The following ZBED6 variants were observed in gnomAD, a reference collection of about 807,000 sequenced individuals.
ZBED6 encodes the protein zinc finger BED domain-containing protein 6.
ZBED6 carries 40 observed loss-of-function variants against 58.4 expected under a neutral mutation model. That is an observed-to-expected ratio of 0.68 (90% CI 0.53 to 0.89). ZBED6 has a LOEUF of 0.89. ZBED6 is among the 40% of genes least tolerant of loss of function. ZBED6 has a pLI of 0.00. For synonymous variants in ZBED6, 439 were observed against 350.6 expected, an observed-to-expected ratio of 1.25 and a Z score of -2.82; for missense variants, 1,057 against 1,003.9, an observed-to-expected ratio of 1.05 and a Z score of -0.71.
chr1:203,803,179 T>G (rs1558092865), intron 1 of ZBED6, among the ~76,000 whole-genome samples, 163 bp downstream of exon 1: 1 of 152,124 alleles, frequency 6.6e-6, no homozygotes, highest in African/African-American at 2.4e-5. Flanking sequence ...GAAACATATT[T>G]TTTTCTTTCT....
chr1:203,847,259 G>T, exon 12 of ZBED6: 1 of 1,613,858 alleles, frequency 6.2e-7, no homozygotes, highest in Non-Finnish European at 8.5e-7. Context: ...AGTCAGAAAC[G>T]TGGAGAATTG....
intron 3 of ZBED6, among the ~76,000 whole-genome samples, chr1:203,819,234 T>A (rs555355543): frequency 6.6e-6 from 1 of 150,654 alleles, no homozygotes; most frequent in South Asian, 2.1e-4. Context: ...TTATTTTTTT[T>A]TTTTTGAAAC....
intron 4 of ZBED6, 75 bp from the exon 5 acceptor site, chr1:203,829,376 T>C (rs760628605): frequency 1.0e-5 from 15 of 1,454,154 alleles, no homozygotes; most frequent in Non-Finnish European, 1.4e-5. Context: ...ATAGTTTTCA[T>C]AGGTGGTCAG....
intron 3 of ZBED6, among the ~76,000 whole-genome samples, chr1:203,820,900 C>G (rs1300219267): frequency 6.6e-6 from 1 of 152,112 alleles, no homozygotes; most frequent in Non-Finnish European, 1.5e-5. Context: ...TAAAGGCTTT[C>G]TTTTTGTAAT....
At chr1:203,845,439 G>A (rs1259026900) in intron 11 of ZBED6, among the ~76,000 whole-genome samples, 1 of 152,190 alleles carries the variant, frequency 6.6e-6, no homozygotes, top group Non-Finnish European at 1.5e-5. Context: ...AATATTACAG[G>A]TACCTAAATA....
intron 9 of ZBED6, 93 bp from the exon 10 acceptor site, chr1:203,837,873 C>A: frequency 1.7e-6 from 2 of 1,189,108 alleles, no homozygotes; most frequent in Non-Finnish European, 2.4e-6. Flanking sequence ...GAACACTTAA[C>A]AGAATTATGC....
exon 6 of ZBED6, chr1:203,829,893 C>G (rs566238985): frequency 6.2e-7 from 1 of 1,613,470 alleles, no homozygotes; most frequent in East Asian, 2.2e-5. Flanking sequence ...CAATATAAAG[C>G]AAGGTAAGAA....
intron 13 of ZBED6, 149 bp downstream of exon 13, chr1:203,848,556 C>T (rs1320845841): frequency 1.2e-5 from 8 of 664,820 alleles, no homozygotes; most frequent in Non-Finnish European, 1.8e-5. Context: ...TGAGAATTTC[C>T]TGTAGTTCTA....
chr1:203,814,436 A>G (rs1453070109), intron 1 of ZBED6, among the ~76,000 whole-genome samples: 1 of 152,120 alleles, frequency 6.6e-6, no homozygotes, highest in African/African-American at 2.4e-5. Flanking sequence ...AGGCGGGAGA[A>G]TTGCTTGAAC....
rs766515684 is a variant in ZBED6 at position 203,817,137 on chromosome 1, A to G, written c.*2753+13A>G. 1.9e-6 allele frequency: 3 copies of G among 1,590,154 alleles called. No homozygotes were observed. The Admixed American group carries it at 5.3e-5, about 28-fold the overall frequency. On this transcript the variant is annotated intron_variant, in intron 2 of 16. Coordinates refer to ENST00000550078, the Ensembl canonical transcript of ZBED6. ...CACATGTACCAAAGTAAGAATTGAC[A>G]TCTTTAAATCAGTTCTTTCTACAAT...
chr1:203,840,333 G>A (rs370224196), exon 11 of ZBED6: 64 of 1,612,814 alleles, frequency 4.0e-5, no homozygotes, highest in Non-Finnish European at 4.9e-5. Flanking sequence ...CTTAAGGAGC[G>A]ATTAGGCATG....
chr1:203,838,441 TAGA>T (rs1418881587), intron 10 of ZBED6, among the ~76,000 whole-genome samples: 1 of 152,160 alleles, frequency 6.6e-6, no homozygotes, highest in Non-Finnish European at 1.5e-5. Context: ...AGACATGAGT[TAGA>T]AATTAGCCAG....
chr1:203,804,503 C>T lies in ZBED6; in HGVS notation c.*2554+1487C>T, dbSNP rs78803398. The stretch of plus-strand genomic sequence containing the variant: ...TGGTCTCTTCCTGTATATCTTTTTA[C>T]TGTGAGTGGTACTCTGCCATCATCT... On this transcript the variant is annotated intron_variant, in intron 1 of 16. Transcript: ENST00000550078. 3.3e-5 allele frequency among the ~76,000 whole-genome samples: 5 copies of T among 152,096 alleles called. 1 individual carries two copies. In the East Asian group the frequency reaches 5.8e-4, roughly 18 times the overall value.
rs747091337 is a variant in ZBED6 at position 203,818,707 on chromosome 1, G to A, written c.*2873+18G>A. 4.2e-5 allele frequency: 68 copies of A among 1,613,640 alleles called. 1 individual carries two copies. In the South Asian group the frequency reaches 6.5e-4, roughly 15 times the overall value. On this transcript the variant is annotated intron_variant, in intron 3 of 16. Transcript: ENST00000550078. ...AGATTGATGTAAGTTTTTTATTTCC[G>A]TTATCATAATAAGTAGTCTGGAGAC...
intron 1 of ZBED6, chr1:203,805,583 A>G (rs1672049321): frequency 4.8e-6 from 3 of 621,902 alleles, no homozygotes; most frequent in South Asian, 2.7e-5. Flanking sequence ...TCATAGTCCC[A>G]TAATATGTTT....
At chr1:203,849,462 A>G (rs528403905) in intron 13 of ZBED6, among the ~76,000 whole-genome samples, 3 of 152,350 alleles carry the variant, frequency 2.0e-5, no homozygotes, top group Admixed American at 2.0e-4. Context: ...TTTAGGAATC[A>G]TTAGTATTTG....
intron 11 of ZBED6, among the ~76,000 whole-genome samples, chr1:203,845,406 C>G (rs80134563): frequency 0.018 from 2,676 of 152,282 alleles, 74 homozygotes; most frequent in African/African-American, 0.056. Flanking sequence ...AGAACTAATT[C>G]AGTAAGTGAG....
chr1:203,828,258 C>G, intron 3 of ZBED6, 41 bp from the exon 4 acceptor site: 4 of 1,612,096 alleles, frequency 2.5e-6, no homozygotes, highest in Non-Finnish European at 3.4e-6. Flanking sequence ...ATATACGTAT[C>G]ACTGTTTTAT....
At chr1:203,847,039 A>G in intron 11 of ZBED6, 145 bp from the exon 12 acceptor site, 1 of 903,720 alleles carries the variant, frequency 1.1e-6, no homozygotes, top group South Asian at 1.8e-5. Flanking sequence ...AGGAAAAGAA[A>G]TAAATGTTAC....
Sources: gnomAD v4.1 joint callset for allele counts (sites outside exome capture counted in the v4.1 genomes callset) on GRCh38, gnomAD v4.1.1 for gene constraint, MANE v1.5 for transcripts, NCBI Gene and HGNC (gene_info 2026-07-23, HGNC 2026-07-21) for gene names.